The following RASAL2 variants were observed in gnomAD, a reference collection of about 807,000 sequenced individuals.
RASAL2 encodes the protein RAS protein activator like 2.
RASAL2 carries 58 observed loss-of-function variants against 128.9 expected under a neutral mutation model. The observed-to-expected ratio is 0.45, with a 90% CI of 0.36 to 0.56. RASAL2 has a LOEUF of 0.56. Ranked by LOEUF, RASAL2 falls within the 20% of genes least tolerant of loss-of-function variation. The pLI, the probability that RASAL2 is intolerant of heterozygous loss-of-function variation, is 0.00. For missense variants in RASAL2, 1,360 were observed against 1,601.6 expected (o/e 0.85, Z 2.57); for synonymous variants, 561 against 580.8 (o/e 0.97, Z 0.49).
At chr1:178,322,739 ATAC>A (rs1211419206) in intron 3 of RASAL2, among the ~76,000 whole-genome samples, 5 of 152,186 alleles carry the variant, frequency 3.3e-5, no homozygotes, top group Non-Finnish European at 5.9e-5. Flanking sequence ...TAATTGAATC[ATAC>A]TACTTTCCTT....
chr1:178,121,245 T>G (rs1217526378), intron 1 of RASAL2, among the ~76,000 whole-genome samples: 1 of 152,206 alleles, frequency 6.6e-6, no homozygotes, highest in Non-Finnish European at 1.5e-5. Flanking sequence ...ATGTTTCCTT[T>G]CAAAATATAT....
chr1:178,200,528 G>C (rs11583503), intron 1 of RASAL2, among the ~76,000 whole-genome samples: 13,247 of 152,212 alleles, frequency 0.087, 613 homozygotes, highest in Middle Eastern at 0.14. Context: ...TCTAACTGCT[G>C]GCTTCAGAAG....
chr1:178,346,329 G>C (rs1359756750), intron 3 of RASAL2, among the ~76,000 whole-genome samples: 2 of 151,688 alleles, frequency 1.3e-5, no homozygotes, highest in East Asian at 1.9e-4. Flanking sequence ...TTGAGCCCAG[G>C]AATCAAGACT....
At chr1:178,341,463 C>T in intron 3 of RASAL2, 1 of 1,496,602 alleles carries the variant, frequency 6.7e-7, no homozygotes, top group Non-Finnish European at 8.9e-7. Flanking sequence ...TCCAAACTGT[C>T]TGAGGCACGA....
chr1:178,146,275 G>C (rs1408819583), intron 1 of RASAL2, among the ~76,000 whole-genome samples: 6 of 152,220 alleles, frequency 3.9e-5, no homozygotes, highest in African/African-American at 1.4e-4. Flanking sequence ...AGGAATGGTT[G>C]TCCTTATTTA....
Position 178,306,014 on chromosome 1 carries a change from C to T in RASAL2, c.457+5896C>T, listed in dbSNP as rs1020817742. Among the ~76,000 whole-genome samples the T allele has an allele frequency of 4.6e-5, 7 of 152,302 alleles. 1 individual carries two copies. The South Asian group carries it at 8.3e-4, about 18-fold the overall frequency. ...GAGTGCTTAAGCACAGAATTTACTT[C>T]TTATTGACAAGAGTTCTCCGACTGT... On this transcript the variant is annotated intron_variant, in intron 3 of 17. Transcript: ENST00000367649.
chr1:178,177,210 G>T (rs1197763908), intron 1 of RASAL2, among the ~76,000 whole-genome samples: 1 of 152,122 alleles, frequency 6.6e-6, no homozygotes, highest in East Asian at 1.9e-4. Context: ...TAATACTTTC[G>T]AATGGTTGCT....
intron 1 of RASAL2, among the ~76,000 whole-genome samples, chr1:178,277,806 A>T (rs758165379): frequency 6.6e-6 from 1 of 152,196 alleles, no homozygotes; most frequent in Admixed American, 6.5e-5. Flanking sequence ...TGGCACTAAG[A>T]TAGATGAAAG....
chr1:178,414,972 T>A (rs1193520472), intron 4 of RASAL2, among the ~76,000 whole-genome samples: 1 of 152,144 alleles, frequency 6.6e-6, no homozygotes, highest in Non-Finnish European at 1.5e-5. Flanking sequence ...TCTATTTTTT[T>A]CTTAGTCTGG....
At chr1:178,297,478 G>A (rs1667567513) in intron 2 of RASAL2, among the ~76,000 whole-genome samples, 1 of 151,114 alleles carries the variant, frequency 6.6e-6, no homozygotes, top group Non-Finnish European at 1.5e-5. Context: ...GTGGTGGCGG[G>A]CACCTGTAAT....
intron 9 of RASAL2, among the ~76,000 whole-genome samples, chr1:178,447,599 A>T (rs142688648): frequency 6.1e-4 from 87 of 142,900 alleles, no homozygotes; most frequent in African/African-American, 8.0e-4. Flanking sequence ...TGAACCAGAG[A>T]GGTGGAAGTT....
chr1:178,175,471 T>TGTGTGTGTGTGA (rs777301625), intron 1 of RASAL2, among the ~76,000 whole-genome samples: 4 of 151,672 alleles, frequency 2.6e-5, no homozygotes, highest in African/African-American at 9.7e-5. Flanking sequence ...TGTGTGTGTG[T>TGTGTGTGTGTGA]GATAACTATG....
rs111822009 is a variant in RASAL2 at position 178,233,514 on chromosome 1, G to A, written c.203-50050G>A. Reference sequence around the variant, plus strand: ...GAGACATCCGAGTTTTAGGTGGAAAGGGAACAAAAGGGAGAGATTGCAGAG... The same window carrying A: ...GAGACATCCGAGTTTTAGGTGGAAAAGGAACAAAAGGGAGAGATTGCAGAG... On this transcript the variant is annotated intron_variant, in intron 1 of 17. Transcript: ENST00000367649. Among the ~76,000 whole-genome samples, 631 of 152,320 alleles carry A rather than the reference G, an allele frequency of 4.1e-3. 3 individuals are homozygous for A. The highest frequency in any genetic ancestry group is 0.014 in the African/African-American group (575 of 41,574).
intron 16 of RASAL2, among the ~76,000 whole-genome samples, chr1:178,466,936 A>T (rs1256085537): frequency 1.3e-5 from 2 of 152,232 alleles, no homozygotes; most frequent in Non-Finnish European, 2.9e-5. Flanking sequence ...AGCTAAACAT[A>T]CTAGGTATAG....
intron 1 of RASAL2, among the ~76,000 whole-genome samples, chr1:178,152,666 AAAAACAAAAC>A (rs202036426): frequency 1.3e-5 from 2 of 152,178 alleles, no homozygotes; most frequent in African/African-American, 4.8e-5. Context: ...TCTGTCTCAA[AAAAACAAAAC>A]AAAACAAAAC....
chr1:178,179,177 T>C (rs557291911), intron 1 of RASAL2, among the ~76,000 whole-genome samples: 1 of 152,314 alleles, frequency 6.6e-6, no homozygotes, highest in South Asian at 2.1e-4. Flanking sequence ...TAGTGTTTGC[T>C]GATTTCTGTG....
At chr1:178,334,847 A>G (rs1355797072) in intron 3 of RASAL2, among the ~76,000 whole-genome samples, 1 of 152,148 alleles carries the variant, frequency 6.6e-6, no homozygotes, top group African/African-American at 2.4e-5. Context: ...AGTCCCAGCT[A>G]CTAGGGAGGC....
chr1:178,146,801 T>G (rs1161075898), intron 1 of RASAL2, among the ~76,000 whole-genome samples: 1 of 152,234 alleles, frequency 6.6e-6, no homozygotes, highest in Non-Finnish European at 1.5e-5. Context: ...ATACCATTAT[T>G]TCTTCAACTA....
At chr1:178,214,052 CA>C (rs1486477450) in intron 1 of RASAL2, among the ~76,000 whole-genome samples, 1 of 151,924 alleles carries the variant, frequency 6.6e-6, no homozygotes, top group African/African-American at 2.4e-5. Flanking sequence ...GCCAGGAGTT[CA>C]AGACCAGCCT....
Sources: gnomAD v4.1 joint callset for allele counts (sites outside exome capture counted in the v4.1 genomes callset) on GRCh38, gnomAD v4.1.1 for gene constraint, MANE v1.5 for transcripts, NCBI Gene and HGNC (gene_info 2026-07-23, HGNC 2026-07-21) for gene names.